SORCS2: variants seen among roughly 807,000 people sequenced by gnomAD.
SORCS2 encodes VPS10 domain-containing receptor SorCS2.
Under a neutral mutation model 141.6 loss-of-function variants are expected in SORCS2, and 100 were observed. That is an observed-to-expected ratio of 0.71 (90% CI 0.60 to 0.83). The LOEUF (loss-of-function observed/expected upper bound fraction) is 0.83. Among genes scored for constraint, SORCS2 ranks in the 40% least tolerant of loss-of-function variants. The pLI, the probability that SORCS2 is intolerant of heterozygous loss-of-function variation, is 0.00. For missense variants in SORCS2, 1,646 were observed against 1,560.2 expected (o/e 1.05, Z -0.93); for synonymous variants, 789 against 676.9 (o/e 1.17, Z -2.57).
chr4:7,428,649 C>A (rs1265883249), intron 2 of SORCS2, among the ~76,000 whole-genome samples: 1 of 151,966 alleles, frequency 6.6e-6, no homozygotes, highest in Non-Finnish European at 1.5e-5. Flanking sequence ...TAGGGCCAAA[C>A]AAAGGCCCTG....
intron 2 of SORCS2, among the ~76,000 whole-genome samples, chr4:7,486,437 A>C (rs1730991900): frequency 1.4e-5 from 2 of 146,484 alleles, no homozygotes; most frequent in African/African-American, 2.5e-5. Context: ...GGACAGGGTC[A>C]CTGGGCCTGA....
chr4:7,729,778 A>C, intron 23 of SORCS2, 66 bp downstream of exon 23: 2 of 1,554,166 alleles, frequency 1.3e-6, no homozygotes, highest in Non-Finnish European at 1.8e-6. Flanking sequence ...GTCATTTACA[A>C]CAAGCAGGGA....
intron 11 of SORCS2, among the ~76,000 whole-genome samples, chr4:7,695,663 GAT>G (rs1202485829): frequency 0.022 from 1,733 of 80,496 alleles, 742 homozygotes; most frequent in Non-Finnish European, 0.03. Flanking sequence ...TGGATGGATG[GAT>G]GGATGGATGG....
At chr4:7,535,573 T>C (rs552103802) in intron 3 of SORCS2, among the ~76,000 whole-genome samples, 2 of 152,332 alleles carry the variant, frequency 1.3e-5, no homozygotes, top group South Asian at 4.1e-4. Flanking sequence ...AATGAGGTGC[T>C]CCTTGTCAAG....
intron 2 of SORCS2, among the ~76,000 whole-genome samples, chr4:7,440,560 CA>C (rs1225993033): frequency 2.0e-5 from 3 of 152,238 alleles, no homozygotes; most frequent in Admixed American, 1.3e-4. Context: ...GGCAGGGTAA[CA>C]GAGTTGCCTC....
chr4:7,636,410 C>G (rs769995161), intron 3 of SORCS2, among the ~76,000 whole-genome samples: 1 of 152,208 alleles, frequency 6.6e-6, no homozygotes, highest in African/African-American at 2.4e-5. Flanking sequence ...AATGAAGGAA[C>G]GAACGAACAC....
intron 1 of SORCS2, among the ~76,000 whole-genome samples, chr4:7,315,885 C>T (rs540546841): frequency 2.2e-4 from 33 of 152,316 alleles, no homozygotes; most frequent in African/African-American, 6.7e-4. Context: ...GCCTGGTACA[C>T]ATCACCCAAC....
At chr4:7,235,265 C>T (rs1186746769) in intron 1 of SORCS2, among the ~76,000 whole-genome samples, 1 of 152,350 alleles carries the variant, frequency 6.6e-6, no homozygotes, top group Middle Eastern at 3.4e-3. Flanking sequence ...GCTGCCCGCG[C>T]CAGGCTCAGC....
At chr4:7,502,529 G>C (rs1327225230) in intron 2 of SORCS2, among the ~76,000 whole-genome samples, 1 of 152,224 alleles carries the variant, frequency 6.6e-6, no homozygotes. Flanking sequence ...GACATGGCTG[G>C]TCTGACTGTG....
chr4:7,413,096 T>A (rs1434591124), intron 2 of SORCS2, among the ~76,000 whole-genome samples: 1 of 152,040 alleles, frequency 6.6e-6, no homozygotes, highest in Non-Finnish European at 1.5e-5. Context: ...GCTTTAAGAA[T>A]CTCTTCTTAA....
chr4:7,343,277 T>A (rs1395847130), intron 1 of SORCS2, among the ~76,000 whole-genome samples: 1 of 152,148 alleles, frequency 6.6e-6, no homozygotes, highest in African/African-American at 2.4e-5. Flanking sequence ...TGCATTTGGG[T>A]GTCATGCCAA....
At chr4:7,427,306 G>A (rs1302694713) in intron 2 of SORCS2, among the ~76,000 whole-genome samples, 5 of 152,118 alleles carry the variant, frequency 3.3e-5, no homozygotes, top group Admixed American at 6.5e-5. Context: ...CCCTTGCTTC[G>A]GAGCCAGACT....
chr4:7,554,135 C>T (rs1577739596), intron 3 of SORCS2, among the ~76,000 whole-genome samples: 1 of 152,222 alleles, frequency 6.6e-6, no homozygotes, highest in East Asian at 1.9e-4. Flanking sequence ...GATGCTGATT[C>T]CTTGCCTTGA....
chr4:7,599,925 G>A (rs181540012), intron 3 of SORCS2, among the ~76,000 whole-genome samples: 59 of 151,724 alleles, frequency 3.9e-4, no homozygotes, highest in African/African-American at 1.4e-3. Flanking sequence ...CCAAGTTCAA[G>A]CAATTCTCAC....
intron 2 of SORCS2, among the ~76,000 whole-genome samples, chr4:7,416,502 G>T (rs552855033): frequency 6.6e-6 from 1 of 151,782 alleles, no homozygotes; most frequent in Non-Finnish European, 1.5e-5. Context: ...ACACAGACAC[G>T]CACGCTTCCT....
Position 7,233,046 on chromosome 4 carries a change from C to T in SORCS2, c.480+39920C>T, listed in dbSNP as rs1196181870. On this transcript the variant is annotated intron_variant, in intron 1 of 26. Coordinates refer to ENST00000507866, the MANE Select transcript of SORCS2 (RefSeq NM_020777.3). This position sits in a 1 kb window ranked among gnomAD's most constrained non-coding sequence, Gnocchi z 4.5. ...GGAACCTCCCAGAGGCTTTCTGGGG[C>T]ATGGGTCAGCTGAGCCCAGGAGTCA... is the stretch of plus-strand genomic sequence containing the variant. Among the ~76,000 whole-genome samples the T allele has an allele frequency of 6.6e-6, 1 of 152,174 alleles. No individual in the cohort carries two copies. The highest frequency in any genetic ancestry group is 1.5e-5 in the Non-Finnish European group (1 of 68,024).
At chr4:7,736,646 G>A (rs1209447483) in intron 25 of SORCS2, among the ~76,000 whole-genome samples, 2 of 152,342 alleles carry the variant, frequency 1.3e-5, no homozygotes, top group Admixed American at 1.3e-4. Flanking sequence ...CCTGGATGGG[G>A]CTCAGCAAGT....
chr4:7,369,542 T>C (rs1475121965), intron 1 of SORCS2, among the ~76,000 whole-genome samples: 2 of 152,180 alleles, frequency 1.3e-5, no homozygotes, highest in African/African-American at 2.4e-5. Flanking sequence ...GAGGCTTGAC[T>C]TGGGGGCGTG....
At position 7,225,207 on chromosome 4, in the gene SORCS2, G is replaced by T. The variant is rs542528943; in HGVS notation, c.480+32081G>T. Among the ~76,000 whole-genome samples the T allele has an allele frequency of 2.0e-5, 3 of 152,264 alleles. No individual in the cohort carries two copies. The East Asian group carries it at 5.8e-4, about 29-fold the overall frequency. ...TTTCTGCTTCAGGGGAGGTCTCAGGGAGCTTTTATTTATGGTGGGAACTGT... is the reference window on the plus strand; with the variant it reads ...TTTCTGCTTCAGGGGAGGTCTCAGGTAGCTTTTATTTATGGTGGGAACTGT... On this transcript the variant is annotated intron_variant, in intron 1 of 26. Coordinates refer to ENST00000507866, the MANE Select transcript of SORCS2 (RefSeq NM_020777.3).
Sources: gnomAD v4.1 joint callset for allele counts (sites outside exome capture counted in the v4.1 genomes callset) on GRCh38, gnomAD v4.1.1 for gene constraint, Gnocchi (gnomAD v3.1) non-coding constraint, MANE v1.5 for transcripts, NCBI Gene and HGNC (gene_info 2026-07-23, HGNC 2026-07-21) for gene names.